Variants in TGFB1 observed in about 807,000 individuals in gnomAD.
TGFB1 encodes the protein transforming growth factor beta-1 proprotein.
Under a neutral mutation model 43.8 loss-of-function variants are expected in TGFB1, and 19 were observed. The observed-to-expected ratio is 0.43, with a 90% confidence interval of 0.30 to 0.64. The LOEUF is 0.64. TGFB1 is among the 30% of genes least tolerant of loss of function. The pLI is 0.11. For synonymous variants in TGFB1, 221 were observed against 236.3 expected (o/e 0.94, Z 0.60); for missense variants, 445 against 529.8 (o/e 0.84, Z 1.57).
intron 6 of TGFB1, 91 bp from the exon 7 acceptor site, chr19:41,331,301 G>A: frequency 2.1e-6 from 3 of 1,398,392 alleles, no homozygotes; most frequent in Non-Finnish European, 2.8e-6. Context: ...TACCGCGCCA[G>A]CCTCTCTCAC....
At chr19:41,343,855 T>G (rs1326670217) in intron 3 of TGFB1, among the ~76,000 whole-genome samples, 3 of 128,556 alleles carry the variant, frequency 2.3e-5, no homozygotes, top group Non-Finnish European at 3.4e-5. Flanking sequence ...GGGAGAGAGA[T>G]AGGGGCACCA....
chr19:41,330,481 A>G lies in TGFB1; in HGVS notation c.*571T>C, dbSNP rs2037917098. ...ATGCCTGGATTCAAGTAATCCTCCC[A>G]TCTCTGCCTCCCAAAAGTGCTAGGA... On this transcript the variant is annotated 3_prime_UTR_variant, in exon 7 of 7. Transcript: ENST00000221930. The G allele has an allele frequency of 6.6e-6, 1 of 152,008 alleles. No homozygotes were observed. The highest frequency in any genetic ancestry group is 1.5e-5 in the Non-Finnish European group (1 of 68,078). The allele number at this position is 152,008 out of a possible 1,614,324, so 9.4% of individuals were successfully genotyped here.
intron 3 of TGFB1, 148 bp downstream of exon 3, chr19:41,344,599 C>T (rs745447224): frequency 1.1e-5 from 8 of 736,864 alleles, no homozygotes; most frequent in African/African-American, 3.4e-5. Flanking sequence ...GCCAATCACT[C>T]AGGTTTCCAT....
At position 41,330,959 on chromosome 19, in the gene TGFB1, G is replaced by T; in HGVS notation, c.*93C>A. The T allele has an allele frequency of 8.1e-7, 1 of 1,229,728 alleles. No homozygotes were observed. Among genetic ancestry groups the T allele is most frequent in the Non-Finnish European group, 1.1e-6 (1 of 926,872 alleles). 76.2% of individuals were successfully genotyped at this position (1,229,728 alleles called of 1,614,324 possible). On this transcript the variant is annotated 3_prime_UTR_variant, in exon 7 of 7. Coordinates refer to ENST00000221930, the MANE Select transcript of TGFB1 (RefSeq NM_000660.7). ...GGGCCCCAGGTGGGCTTGGGGCACG[G>T]GTGTCCTTAAATACAGCCCCCATGG...
chr19:41,344,666 T>A (rs2038095360), intron 3 of TGFB1, 81 bp downstream of exon 3: 2 of 1,328,570 alleles, frequency 1.5e-6, no homozygotes, highest in African/African-American at 1.5e-5. Context: ...CGGAGAGGGG[T>A]CCTAGGCAAA....
At chr19:41,333,209 A>ATTTTTTTT (rs1161079448) in intron 5 of TGFB1, among the ~76,000 whole-genome samples, 1 of 86,382 alleles carries the variant, frequency 1.2e-5, no homozygotes, top group Non-Finnish European at 2.1e-5. Context: ...TTTTTTTTCT[A>ATTTTTTTT]TTTTTTTTTT....
intron 6 of TGFB1, 50 bp from the exon 7 acceptor site, chr19:41,331,260 A>C: frequency 6.9e-7 from 1 of 1,454,584 alleles, no homozygotes; most frequent in East Asian, 2.6e-5. Flanking sequence ...AGGGAGGAAA[A>C]CGGCCCTCCA....
rs1408083335 is a variant in TGFB1, at chr19:41,331,219, G to A, written c.1015-9C>T. ...TTGTACAGGGCCAGGACCTGCGGGC[G>A]GCGGGCGGGGTCAGGGCTCAGGGCT... On this transcript the variant is annotated splice_polypyrimidine_tract_variant and intron_variant, in intron 6 of 6. Coordinates refer to ENST00000221930, the MANE Select transcript of TGFB1 (RefSeq NM_000660.7). 1 of 1,510,126 alleles carries A rather than the reference G, an allele frequency of 6.6e-7. No individual in the cohort carries two copies. Among genetic ancestry groups the A allele is most frequent in the Middle Eastern group, 2.1e-4 (1 of 4,702 alleles). The allele number at this position is 1,510,126 out of a possible 1,614,324, so 93.5% of individuals were successfully genotyped here. A position where few individuals can be genotyped will look rare whatever the true frequency, so the allele number is the denominator to read the frequency against.
At chr19:41,338,030 A>T (rs2038007455) in intron 5 of TGFB1, among the ~76,000 whole-genome samples, 1 of 151,624 alleles carries the variant, frequency 6.6e-6, no homozygotes, top group Admixed American at 6.6e-5. Flanking sequence ...CGTCTCTACT[A>T]AAAATACAAA....
intron 5 of TGFB1, among the ~76,000 whole-genome samples, chr19:41,333,080 C>T (rs908044236): frequency 1.3e-5 from 2 of 152,110 alleles, no homozygotes; most frequent in African/African-American, 2.4e-5. Context: ...GCCACACTGG[C>T]GTCCTGTCTG....
At chr19:41,348,250 C>T in intron 2 of TGFB1, 45 bp downstream of exon 2, 1 of 1,608,510 alleles carries the variant, frequency 6.2e-7, no homozygotes, top group Non-Finnish European at 8.5e-7. Flanking sequence ...ACAGCTCACC[C>T]TCTCCAGCCC....
intron 5 of TGFB1, among the ~76,000 whole-genome samples, chr19:41,334,922 G>A (rs1356967068): frequency 6.6e-6 from 1 of 151,674 alleles, no homozygotes; most frequent in African/African-American, 2.4e-5. Flanking sequence ...CAGGCTTAGG[G>A]AGGGCCATGA....
chr19:41,332,183 T>C lies in TGFB1; in HGVS notation c.959A>G (p.Asn320Ser). ...GTAGGGGCAGGGCCCGAGGCAGAAG[T>C]TGGCATGGTAGCCCTTGGGCTCGTG... The part of the protein sequence containing the change: ...WIHEPKGYHA[N>S]FCLGPCPYIW... Residue 320 changes from asparagine (N) to serine (S), a missense_variant, in exon 6 of 7, where the codon AAC (asparagine) becomes AGC (serine). Around this residue, in one of 3 missense-constraint regions of TGFB1, gnomAD observed 23 missense variants for 54.1 expected, o/e 0.42. Coordinates refer to ENST00000221930, the MANE Select transcript of TGFB1 (RefSeq NM_000660.7). The C allele has an allele frequency of 6.2e-7, 1 of 1,614,172 alleles. No individual in the cohort carries two copies. The highest frequency in any genetic ancestry group is 8.5e-7 in the Non-Finnish European group (1 of 1,180,014).
In TGFB1 at chr19:41,331,842, G is replaced by A. The variant is rs747857; in HGVS notation, c.1014+286C>T. ...TCTCATTTTGTCTCTCCATTTCTGC[G>A]TTTTTCCTTCCATCTCCCTGTCTCT... On this transcript the variant is annotated intron_variant, in intron 6 of 6. Coordinates refer to ENST00000221930, the MANE Select transcript of TGFB1 (RefSeq NM_000660.7). Among the ~76,000 whole-genome samples, 9,557 of 150,954 alleles carry A rather than the reference G, an allele frequency of 0.063. 830 individuals carry two copies. Among genetic ancestry groups the A allele is most frequent in the African/African-American group, 0.19 (7,840 of 40,976 alleles).
Position 41,331,169 on chromosome 19 carries a change from C to T in TGFB1, c.1056G>A (p.Ala352=). The part of the protein sequence containing the change: ...LYNQHNPGAS[A]APCCVPQALE... ...GCGCCTGCGGCACGCAGCACGGCGC[C>T]GCCGAGGCGCCCGGGTTATGCTGGT... Residue 352 remains alanine, a synonymous_variant, in exon 7 of 7, where the codon GCG becomes GCA. Transcript: ENST00000221930. 6.4e-7 allele frequency: 1 copy of T among 1,553,288 alleles called. No individual in the cohort carries two copies. Among genetic ancestry groups the T allele is most frequent in the Non-Finnish European group, 8.7e-7 (1 of 1,151,534 alleles).
intron 1 of TGFB1, among the ~76,000 whole-genome samples, chr19:41,352,464 T>A (rs1386666740): frequency 6.6e-6 from 1 of 151,098 alleles, no homozygotes; most frequent in Non-Finnish European, 1.5e-5. Context: ...CTAGAAGCGG[T>A]CCACTTCGCT....
rs1470106857 is a variant in TGFB1 at position 41,348,307 on chromosome 19, C to T, written c.504G>A (p.Val168=). The T allele has an allele frequency of 1.2e-6, 2 of 1,613,048 alleles. No homozygotes were observed. Among genetic ancestry groups the T allele is most frequent in the East Asian group, 2.2e-5 (1 of 44,858 alleles). Residue 168 remains valine, a synonymous_variant, in exon 2 of 7, where the codon GTG becomes GTA. Coordinates refer to ENST00000221930, the MANE Select transcript of TGFB1 (RefSeq NM_000660.7). ...CTCATGTCCTCACCTGGTACAGCTC[C>T]ACGTGCTGCTCCACTTTTAACTTGA... ...LRLKLKVEQH[V]ELYQKYSNNS...
chr19:41,346,587 G>T (rs534175781), intron 2 of TGFB1, among the ~76,000 whole-genome samples: 1 of 152,176 alleles, frequency 6.6e-6, no homozygotes, highest in Admixed American at 6.6e-5. Flanking sequence ...CCTCTTGGAA[G>T]CTCCCTATCT....
chr19:41,331,262 G>A, intron 6 of TGFB1, 52 bp from the exon 7 acceptor site: 1 of 1,455,376 alleles, frequency 6.9e-7, no homozygotes, highest in East Asian at 2.6e-5. Context: ...GGAGGAAAAC[G>A]GCCCTCCACT....
Sources: gnomAD v4.1 joint callset for allele counts (sites outside exome capture counted in the v4.1 genomes callset) on GRCh38, gnomAD v4.1.1 for gene constraint, gnomAD v4.1.1 regional missense constraint, MANE v1.5 for transcripts, NCBI Gene and HGNC (gene_info 2026-07-23, HGNC 2026-07-21) for gene names.